Variants in DPYD observed in about 807,000 individuals in gnomAD.
DPYD encodes the protein dihydropyrimidine dehydrogenase [NADP(+)].
DPYD carries 109 observed loss-of-function variants against 116.2 expected under a neutral mutation model. The observed-to-expected ratio is 0.94, with a 90% CI of 0.80 to 1.10. The LOEUF (loss-of-function observed/expected upper bound fraction) is 1.10, where lower values mean the gene tolerates loss of function less well. Ranked by LOEUF, DPYD falls within the 50% of genes least tolerant of loss-of-function variation. The pLI is 0.00. For missense variants in DPYD, 1,302 were observed against 1,254.5 expected (o/e 1.04, Z -0.57); for synonymous variants, 440 against 432.0 (o/e 1.02, Z -0.23).
At chr1:97,680,152 A>G (rs1660357647) in intron 7 of DPYD, among the ~76,000 whole-genome samples, 2 of 152,124 alleles carry the variant, frequency 1.3e-5, no homozygotes, top group African/African-American at 4.8e-5. Context: ...AAATTGTTAC[A>G]TTTGTCAATT....
chr1:97,266,425 G>T (rs893198863), intron 18 of DPYD, among the ~76,000 whole-genome samples: 2 of 152,174 alleles, frequency 1.3e-5, no homozygotes, highest in African/African-American at 4.8e-5. Context: ...TCATTGCTGT[G>T]TCCTGCAGTT....
intron 14 of DPYD, among the ~76,000 whole-genome samples, chr1:97,412,664 G>A (rs1281559581): frequency 2.0e-5 from 3 of 152,172 alleles, no homozygotes; most frequent in Non-Finnish European, 4.4e-5. Flanking sequence ...TACGACTACA[G>A]TTTTGGGTCA....
intron 3 of DPYD, among the ~76,000 whole-genome samples, chr1:97,791,633 C>A (rs1245428612): frequency 6.6e-6 from 1 of 152,130 alleles, no homozygotes; most frequent in African/African-American, 2.4e-5. Flanking sequence ...AGATACAGTT[C>A]TTTTTACTAC....
intron 14 of DPYD, among the ~76,000 whole-genome samples, chr1:97,422,150 T>A (rs1416627232): frequency 6.6e-6 from 1 of 152,164 alleles, no homozygotes; most frequent in African/African-American, 2.4e-5. Context: ...GTTATCAGCA[T>A]TGGTTTTGGG....
intron 20 of DPYD, among the ~76,000 whole-genome samples, chr1:97,150,578 T>C (rs1364959657): frequency 6.6e-6 from 1 of 152,196 alleles, no homozygotes; most frequent in Non-Finnish European, 1.5e-5. Flanking sequence ...CTCTCTGGGT[T>C]CTCCTCTGAA....
At chr1:97,126,577 C>T (rs1557877961) in intron 20 of DPYD, among the ~76,000 whole-genome samples, 1 of 152,148 alleles carries the variant, frequency 6.6e-6, no homozygotes, top group Non-Finnish European at 1.5e-5. Context: ...ATATGGCCTT[C>T]TCCAGGAAGC....
intron 14 of DPYD, among the ~76,000 whole-genome samples, chr1:97,413,180 A>G (rs988538186): frequency 3.3e-5 from 5 of 152,242 alleles, no homozygotes; most frequent in Non-Finnish European, 5.9e-5. Flanking sequence ...TGCAGACTGT[A>G]AAGGCTGAGT....
At chr1:97,466,913 G>A (rs185365619) in intron 13 of DPYD, among the ~76,000 whole-genome samples, 77 of 152,240 alleles carry the variant, frequency 5.1e-4, no homozygotes, top group Non-Finnish European at 7.4e-5. Context: ...TTGAGATAGA[G>A]AAAGAACCCC....
intron 13 of DPYD, among the ~76,000 whole-genome samples, chr1:97,466,130 G>A (rs758368922): frequency 1.1e-4 from 17 of 152,110 alleles, no homozygotes; most frequent in Non-Finnish European, 2.2e-4. Flanking sequence ...ATTGAGACAT[G>A]TCTCACATAC....
At chr1:97,425,348 A>T (rs1172911946) in intron 14 of DPYD, among the ~76,000 whole-genome samples, 5 of 152,108 alleles carry the variant, frequency 3.3e-5, no homozygotes, top group Non-Finnish European at 5.9e-5. Flanking sequence ...AATTAAGCAA[A>T]TCGAGATATT....
chr1:97,573,121 C>T (rs1653014663), intron 11 of DPYD, among the ~76,000 whole-genome samples: 1 of 152,076 alleles, frequency 6.6e-6, no homozygotes, highest in Non-Finnish European at 1.5e-5. Flanking sequence ...CAATGACCCA[C>T]AGAAACACTG....
chr1:97,442,731 T>C (rs1675868420), intron 14 of DPYD, among the ~76,000 whole-genome samples: 1 of 152,230 alleles, frequency 6.6e-6, no homozygotes, highest in African/African-American at 2.4e-5. Flanking sequence ...TTTAGTGAGT[T>C]AGTGTTTAAT....
chr1:97,184,211 G>C (rs1217311141), intron 20 of DPYD, among the ~76,000 whole-genome samples: 1 of 152,124 alleles, frequency 6.6e-6, no homozygotes, highest in Non-Finnish European at 1.5e-5. Context: ...ATTGTGAATA[G>C]TGCTGCAATA....
chr1:97,403,435 A>T (rs115511332), intron 14 of DPYD, among the ~76,000 whole-genome samples: 1 of 151,838 alleles, frequency 6.6e-6, no homozygotes, highest in Non-Finnish European at 1.5e-5. Context: ...TAAATAGTGA[A>T]CCCATCTGGG....
intron 19 of DPYD, among the ~76,000 whole-genome samples, chr1:97,226,652 C>T (rs1399583387): frequency 6.6e-6 from 1 of 151,774 alleles, no homozygotes; most frequent in East Asian, 1.9e-4. Flanking sequence ...AAACACTTAG[C>T]GATAAATTTA....
At position 97,373,586 on chromosome 1, in the gene DPYD, C is replaced by G; in HGVS notation, c.2033G>C (p.Arg678Thr). The G allele has an allele frequency of 6.2e-7, 1 of 1,613,886 alleles. No homozygotes were observed. The highest frequency in any genetic ancestry group is 8.5e-7 in the Non-Finnish European group (1 of 1,179,850). The change falls in exon 16 of 23, where the codon AGA (arginine) becomes ACA (threonine). Residue 678 changes from arginine (R) to threonine (T), a missense_variant. Arg to Thr is a moderately conservative substitution (Grantham distance 71, BLOSUM62 -1). Coordinates refer to ENST00000370192, the MANE Select transcript of DPYD (RefSeq NM_000110.4). ...CTGCCCACAGGCCAGGCCCATTCCT[C>G]TTTCTCCCATGCCATGTGGACATGA... is the stretch of plus-strand genomic sequence containing the variant. ...NLSCPHGMGE[R>T]GMGLACGQDP...
intron 12 of DPYD, among the ~76,000 whole-genome samples, chr1:97,523,636 T>G (rs1334026244): frequency 6.6e-6 from 1 of 152,188 alleles, no homozygotes; most frequent in South Asian, 2.1e-4. Context: ...TGCTTCCACT[T>G]ATTGAACTAG....
In DPYD at chr1:97,666,495, T is replaced by G. The variant is rs191018692; in HGVS notation, c.850+12600A>C. On this transcript the variant is annotated intron_variant, in intron 8 of 22. Transcript: ENST00000370192. ...TTAATTCTTGGTTGTGTGTGTGTGT[T>G]TTTTTTCTTTGATTACAAAATCAAG... is the stretch of plus-strand genomic sequence containing the variant. Among the ~76,000 whole-genome samples, 526 of 152,176 alleles carry G rather than the reference T, an allele frequency of 3.5e-3. 3 individuals are homozygous for G. Among genetic ancestry groups the G allele is most frequent in the African/African-American group, 0.011 (449 of 41,510 alleles).
rs569044042 is a variant in DPYD at position 97,095,804 on chromosome 1, G to A, written c.2766+2685C>T. ...AAATGCTTGCTTCCCCGAAAACCTC[G>A]CCACTATCAGCTACTATTTTGTTTT... On this transcript the variant is annotated intron_variant, in intron 21 of 22. Transcript: ENST00000370192. 7 of 152,104 alleles carry A rather than the reference G, an allele frequency of 4.6e-5. No individual in the cohort carries two copies. The South Asian group carries it at 6.2e-4, about 14-fold the overall frequency. 9.4% of individuals were successfully genotyped at this position (152,104 alleles called of 1,614,324 possible). A position where few individuals can be genotyped will look rare whatever the true frequency, so the allele number is the denominator to read the frequency against.
Sources: allele counts gnomAD v4.1 joint callset (sites outside exome capture counted in the v4.1 genomes callset), GRCh38; gene constraint gnomAD v4.1.1; transcripts MANE v1.5; gene names NCBI Gene and HGNC (gene_info 2026-07-23, HGNC 2026-07-21).